Variants in KCNH1 observed in about 807,000 individuals in gnomAD.
The protein encoded by KCNH1 is potassium voltage-gated channel subfamily H member 1.
Under a neutral mutation model 69.2 loss-of-function variants are expected in KCNH1, and 27 were observed. The observed-to-expected ratio is 0.39, with a 90% CI of 0.29 to 0.54. The LOEUF is 0.54. Among genes scored for constraint, KCNH1 ranks in the 20% least tolerant of loss-of-function variants. The pLI, the probability that KCNH1 is intolerant of heterozygous loss-of-function variation, is 0.68. For synonymous variants in KCNH1, 456 were observed against 487.7 expected (o/e 0.93, Z 0.86); for missense variants, 798 against 1,261.6 (o/e 0.63, Z 5.57).
At position 210,680,671 on chromosome 1, in the gene KCNH1, A is replaced by G. The variant is rs1681243145; in HGVS notation, c.*2610T>C. ...GAGAAAGGTTTGGCTCATTTACACAATGTTTTTTCAAAGAAAACAATTACA... is the reference window on the plus strand; with the variant it reads ...GAGAAAGGTTTGGCTCATTTACACAGTGTTTTTTCAAAGAAAACAATTACA... On this transcript the variant is annotated 3_prime_UTR_variant, in exon 11 of 11. Transcript: ENST00000271751. The G allele has an allele frequency of 6.6e-6, 1 of 152,140 alleles. No individual in the cohort carries two copies. The highest frequency in any genetic ancestry group is 1.5e-5 in the Non-Finnish European group (1 of 68,020). The allele number at this position is 152,140 out of a possible 1,614,324, so 9.4% of individuals were successfully genotyped here.
chr1:211,064,620 T>A (rs188863517), intron 5 of KCNH1, among the ~76,000 whole-genome samples: 9 of 152,136 alleles, frequency 5.9e-5, no homozygotes, highest in South Asian at 2.1e-4. Flanking sequence ...CTTTTTTTTT[T>A]AAATGTATAA....
chr1:211,035,407 C>A (rs933265559), intron 5 of KCNH1, among the ~76,000 whole-genome samples: 18 of 150,608 alleles, frequency 1.2e-4, no homozygotes, highest in African/African-American at 4.4e-4. Flanking sequence ...CGCCACTACG[C>A]CCGGCTAATT....
intron 1 of KCNH1, among the ~76,000 whole-genome samples, chr1:211,114,124 A>G (rs1415371116): frequency 1.3e-5 from 2 of 152,104 alleles, no homozygotes; most frequent in Admixed American, 1.3e-4. Context: ...AGCCCCACAT[A>G]TCAGCTGAGC....
intron 1 of KCNH1, among the ~76,000 whole-genome samples, chr1:211,128,391 A>G (rs1691820343): frequency 6.6e-6 from 1 of 152,204 alleles, no homozygotes; most frequent in African/African-American, 2.4e-5. Flanking sequence ...TCTCATGCAT[A>G]TAAAGCTCCA....
chr1:211,044,853 A>T (rs1690063860), intron 5 of KCNH1, among the ~76,000 whole-genome samples: 1 of 151,896 alleles, frequency 6.6e-6, no homozygotes, highest in Non-Finnish European at 1.5e-5. Flanking sequence ...GAGATTCCTT[A>T]AAGAACTAAA....
chr1:210,917,225 GAGAGAGAAAGAAAGAA>G (rs1347586624), intron 7 of KCNH1, among the ~76,000 whole-genome samples: 233 of 80,616 alleles, frequency 2.9e-3, no homozygotes, highest in Middle Eastern at 6.9e-3. Flanking sequence ...GAGAGAGAGA[GAGAGAGAAAGAAAGAA>G]AGAAAGAAAG....
At chr1:210,809,229 C>T (rs988750473) in intron 7 of KCNH1, among the ~76,000 whole-genome samples, 1 of 152,100 alleles carries the variant, frequency 6.6e-6, no homozygotes, top group East Asian at 1.9e-4. Context: ...ATTTCATTTT[C>T]TTAAATTTTT....
intron 5 of KCNH1, among the ~76,000 whole-genome samples, chr1:211,048,669 T>C (rs1690136909): frequency 6.6e-6 from 1 of 152,082 alleles, no homozygotes; most frequent in African/African-American, 2.4e-5. Context: ...ATGAGAATGA[T>C]ACATTGGACT....
chr1:210,746,480 G>T (rs540966314), intron 10 of KCNH1, among the ~76,000 whole-genome samples: 16 of 152,012 alleles, frequency 1.1e-4, no homozygotes, highest in Non-Finnish European at 1.9e-4. Flanking sequence ...GCCTCTCAAA[G>T]CCTCTCTTCT....
intron 6 of KCNH1, among the ~76,000 whole-genome samples, chr1:210,954,377 G>A (rs1239275999): frequency 6.6e-6 from 1 of 152,172 alleles, no homozygotes; most frequent in African/African-American, 2.4e-5. Context: ...ATGTGCATGT[G>A]TCTTTATAGT....
In KCNH1 at chr1:211,001,590, G is replaced by T. The variant is rs575626532; in HGVS notation, c.1032+17193C>A. Among the ~76,000 whole-genome samples the T allele has an allele frequency of 3.3e-5, 5 of 152,288 alleles. No homozygotes were observed. In the East Asian group the frequency reaches 9.7e-4, roughly 29 times the overall value. On this transcript the variant is annotated intron_variant, in intron 6 of 10. Coordinates refer to ENST00000271751, the MANE Select transcript of KCNH1 (RefSeq NM_172362.3). The stretch of plus-strand genomic sequence containing the variant: ...GGGACTGTAAACTAGTTCAACCATT[G>T]TGGAAGTCAGTGTGGCGATTCCTCA...
intron 7 of KCNH1, among the ~76,000 whole-genome samples, chr1:210,831,075 GACCAA>G (rs1685152430): frequency 6.6e-6 from 1 of 152,144 alleles, no homozygotes; most frequent in Non-Finnish European, 1.5e-5. Flanking sequence ...TTCTAAGTCT[GACCAA>G]GCATTTGAGA....
intron 6 of KCNH1, among the ~76,000 whole-genome samples, chr1:210,979,140 G>C (rs527507244): frequency 6.6e-6 from 1 of 152,244 alleles, no homozygotes; most frequent in Non-Finnish European, 1.5e-5. Flanking sequence ...CTTCAATCAA[G>C]TCAATTCAGC....
chr1:211,022,744 C>G (rs1056374959), intron 5 of KCNH1, among the ~76,000 whole-genome samples: 1 of 152,038 alleles, frequency 6.6e-6, no homozygotes, highest in African/African-American at 2.4e-5. Flanking sequence ...TACTAATCAT[C>G]AGGAAAATGC....
chr1:211,072,915 A>G (rs1690672791), intron 5 of KCNH1, among the ~76,000 whole-genome samples: 1 of 152,354 alleles, frequency 6.6e-6, no homozygotes, highest in African/African-American at 2.4e-5. Context: ...TGGTCTAAAT[A>G]TACAAAAGAC....
rs148001858 is a variant in KCNH1 at position 210,901,700 on chromosome 1, G to A, written c.1462+17940C>T. Among the ~76,000 whole-genome samples the A allele has an allele frequency of 1.0e-3, 152 of 152,336 alleles. 2 individuals are homozygous for A. In the East Asian group the frequency reaches 0.024, roughly 24 times the overall value. On this transcript the variant is annotated intron_variant, in intron 7 of 10. Coordinates refer to ENST00000271751, the MANE Select transcript of KCNH1 (RefSeq NM_172362.3). ...GGGGCCTGGGAGCTGGGAAGTCAGTGCCACTACTAAGAAAGTTAAGAAAGT... is the reference window on the plus strand; with the variant it reads ...GGGGCCTGGGAGCTGGGAAGTCAGTACCACTACTAAGAAAGTTAAGAAAGT...
At chr1:210,943,889 T>C (rs1440677985) in intron 6 of KCNH1, among the ~76,000 whole-genome samples, 1 of 152,208 alleles carries the variant, frequency 6.6e-6, no homozygotes, top group African/African-American at 2.4e-5. Flanking sequence ...GCAGTACCTG[T>C]GTACATTCCA....
rs538969166 is a variant in KCNH1 at position 210,748,684 on chromosome 1, G to A, written c.2112+26664C>T. Among the ~76,000 whole-genome samples the A allele has an allele frequency of 1.7e-4, 26 of 152,276 alleles. No individual in the cohort carries two copies. In the South Asian group the frequency reaches 2.7e-3, roughly 16 times the overall value. On this transcript the variant is annotated intron_variant, in intron 10 of 10. Transcript: ENST00000271751. Reference sequence around the variant, plus strand: ...ACCCCTTACACCAAAGACTCTCCTGGCCCATGCCAGGCAGGCATCAGTTCT... The same window carrying A: ...ACCCCTTACACCAAAGACTCTCCTGACCCATGCCAGGCAGGCATCAGTTCT...
intron 6 of KCNH1, among the ~76,000 whole-genome samples, chr1:210,968,039 C>T (rs990003878): frequency 6.6e-6 from 1 of 151,882 alleles, no homozygotes; most frequent in Admixed American, 6.6e-5. Context: ...CACAACAGTC[C>T]CCAGAGTGTG....
Sources: gnomAD v4.1 joint callset for allele counts (sites outside exome capture counted in the v4.1 genomes callset) on GRCh38, gnomAD v4.1.1 for gene constraint, MANE v1.5 for transcripts, NCBI Gene and HGNC (gene_info 2026-07-23, HGNC 2026-07-21) for gene names.